The following DGKB variants were observed in gnomAD, a reference collection of about 807,000 sequenced individuals.
DGKB encodes the protein 90 kDa diacylglycerol kinase.
A neutral mutation model predicts 114.3 loss-of-function variants in DGKB; 67 were observed. The ratio of observed to expected loss-of-function variants is 0.59; its 90% CI spans 0.48 to 0.72. The LOEUF (loss-of-function observed/expected upper bound fraction) is 0.72. Ranked by LOEUF, DGKB falls within the 30% of genes least tolerant of loss-of-function variation. The probability of loss-of-function intolerance (pLI) is 0.00; values close to 1 mark genes in which losing one functional copy is unlikely to be tolerated. For missense variants in DGKB, 907 were observed against 975.2 expected, an observed-to-expected ratio of 0.93 and a Z score of 0.93; for synonymous variants, 398 against 323.1, an observed-to-expected ratio of 1.23 and a Z score of -2.49.
At chr7:14,453,956 A>G (rs888488427) in intron 21 of DGKB, among the ~76,000 whole-genome samples, 1 of 152,150 alleles carries the variant, frequency 6.6e-6, no homozygotes, top group Non-Finnish European at 1.5e-5. Flanking sequence ...TTTTGAAGGG[A>G]GTACAATTAA....
chr7:14,835,337 A>G (rs1396722790), intron 2 of DGKB, among the ~76,000 whole-genome samples: 1 of 152,312 alleles, frequency 6.6e-6, no homozygotes, highest in Non-Finnish European at 1.5e-5. Context: ...TATAACAGTA[A>G]TATATTAAAT....
At chr7:14,820,437 A>G (rs970655070) in intron 2 of DGKB, among the ~76,000 whole-genome samples, 3 of 152,168 alleles carry the variant, frequency 2.0e-5, no homozygotes, top group Admixed American at 6.6e-5. Context: ...ACCCCTGGCA[A>G]TGGTATTCTG....
chr7:14,330,389 A>G (rs1056188903), intron 23 of DGKB, among the ~76,000 whole-genome samples: 6 of 151,850 alleles, frequency 4.0e-5, no homozygotes, highest in Non-Finnish European at 4.4e-5. Flanking sequence ...GATTTTGCCC[A>G]TTTTCCTAAT....
chr7:14,761,552 G>A (rs533535566), intron 2 of DGKB, among the ~76,000 whole-genome samples: 2 of 152,154 alleles, frequency 1.3e-5, no homozygotes, highest in African/African-American at 4.8e-5. Context: ...CAGTGGAGAG[G>A]GGAAAGGATC....
chr7:14,906,745 C>A (rs1344576600), upstream of DGKB, among the ~76,000 whole-genome samples: 2 of 152,098 alleles, frequency 1.3e-5, no homozygotes, highest in Non-Finnish European at 2.9e-5. Flanking sequence ...GCCACAGTGC[C>A]CGGCCTCCAG....
intron 23 of DGKB, among the ~76,000 whole-genome samples, chr7:14,300,480 C>T (rs1803339977): frequency 6.6e-6 from 1 of 152,098 alleles, no homozygotes; most frequent in South Asian, 2.1e-4. Context: ...GTATCACTTA[C>T]TCTACATTTA....
chr7:14,348,952 A>G (rs1028615270), intron 21 of DGKB, among the ~76,000 whole-genome samples: 5 of 152,002 alleles, frequency 3.3e-5, no homozygotes, highest in Non-Finnish European at 5.9e-5. Context: ...AACAAAGTTA[A>G]TGGTTTTAGA....
At chr7:14,561,467 G>C (rs1796647679) in intron 20 of DGKB, among the ~76,000 whole-genome samples, 1 of 152,166 alleles carries the variant, frequency 6.6e-6, no homozygotes, top group African/African-American at 2.4e-5. Context: ...CTTTGGAATA[G>C]AGTGACAGGC....
At chr7:14,954,035 T>C (rs1786358175) in intron 1 of DGKB, among the ~76,000 whole-genome samples, 1 of 152,004 alleles carries the variant, frequency 6.6e-6, no homozygotes. Context: ...TCCAGGTGAT[T>C]TTGGTACCGG....
intron 21 of DGKB, among the ~76,000 whole-genome samples, chr7:14,458,236 T>C (rs1832581693): frequency 6.6e-6 from 1 of 152,194 alleles, no homozygotes; most frequent in Non-Finnish European, 1.5e-5. Flanking sequence ...TCTTTTAAAA[T>C]TTAAATTAAA....
chr7:14,701,877 T>C, intron 6 of DGKB, 147 bp from the exon 7 acceptor site: 1 of 601,038 alleles, frequency 1.7e-6, no homozygotes, highest in South Asian at 2.2e-5. Context: ...GGATTATTTC[T>C]CAAACTAAAT....
intron 13 of DGKB, among the ~76,000 whole-genome samples, chr7:14,657,933 C>T (rs953416333): frequency 6.6e-6 from 1 of 151,910 alleles, no homozygotes; most frequent in African/African-American, 2.4e-5. Flanking sequence ...AAGAGACACA[C>T]ACCATACTTC....
Position 14,436,392 on chromosome 7 carries a change from G to A in DGKB, c.1835+41769C>T, listed in dbSNP as rs931562594. 3.9e-5 allele frequency among the ~76,000 whole-genome samples: 6 copies of A among 152,070 alleles called. No homozygotes were observed. In the South Asian group the frequency reaches 1.2e-3, roughly 32 times the overall value. ...ACTTCATCAAAGTCATATTTAACAA[G>A]ACTTTGATTGACTTGCCAACACTAT... On this transcript the variant is annotated intron_variant, in intron 21 of 25. Transcript: ENST00000402815.
chr7:14,291,770 CA>C (rs1438513505), intron 23 of DGKB, among the ~76,000 whole-genome samples: 5 of 152,242 alleles, frequency 3.3e-5, no homozygotes, highest in Admixed American at 1.3e-4. Flanking sequence ...TCAATGAAAG[CA>C]GAAAATACCA....
intron 17 of DGKB, among the ~76,000 whole-genome samples, chr7:14,598,557 G>A (rs563573143): frequency 6.6e-6 from 1 of 152,096 alleles, no homozygotes; most frequent in East Asian, 1.9e-4. Flanking sequence ...CATTGCAGAT[G>A]GTAAATGTTC....
At chr7:14,295,821 C>T (rs566019127) in intron 23 of DGKB, among the ~76,000 whole-genome samples, 1 of 152,126 alleles carries the variant, frequency 6.6e-6, no homozygotes, top group African/African-American at 2.4e-5. Context: ...CCATCATCTA[C>T]ATTAAGTATT....
At chr7:14,700,409 T>C (rs1469813923) in intron 7 of DGKB, among the ~76,000 whole-genome samples, 1 of 152,084 alleles carries the variant, frequency 6.6e-6, no homozygotes, top group Non-Finnish European at 1.5e-5. Context: ...AGACGGGGTT[T>C]CACCATGTTG....
At chr7:14,552,575 G>A (rs1030959190) in intron 20 of DGKB, among the ~76,000 whole-genome samples, 1 of 152,108 alleles carries the variant, frequency 6.6e-6, no homozygotes, top group Non-Finnish European at 1.5e-5. Flanking sequence ...TGTTGCACAT[G>A]TTGCTTGGAT....
At chr7:14,291,922 G>C (rs982196913) in intron 23 of DGKB, among the ~76,000 whole-genome samples, 1 of 152,062 alleles carries the variant, frequency 6.6e-6, no homozygotes, top group Non-Finnish European at 1.5e-5. Flanking sequence ...GGTAATATCA[G>C]GAGTTTCAGA....
Sources: allele counts gnomAD v4.1 joint callset (sites outside exome capture counted in the v4.1 genomes callset), GRCh38; gene constraint gnomAD v4.1.1; transcripts MANE v1.5; gene names NCBI Gene and HGNC (gene_info 2026-07-23, HGNC 2026-07-21).